Variants in ADAMTS2 observed in about 807,000 individuals in gnomAD.
ADAMTS2 encodes the protein ADAM metallopeptidase with thrombospondin type 1 motif 2.
Under a neutral mutation model 123.0 loss-of-function variants are expected in ADAMTS2, and 50 were observed. The ratio of observed to expected loss-of-function variants is 0.41; its 90% CI spans 0.32 to 0.51. The LOEUF (loss-of-function observed/expected upper bound fraction) is 0.51. Among genes scored for constraint, ADAMTS2 ranks in the 20% least tolerant of loss-of-function variants. The pLI is 0.35. For missense variants in ADAMTS2, 1,494 were observed against 1,705.2 expected (o/e 0.88, Z 2.18); for synonymous variants, 678 against 695.4 (o/e 0.98, Z 0.39).
At chr5:179,222,373 C>A (rs1455318355) in intron 3 of ADAMTS2, among the ~76,000 whole-genome samples, 1 of 152,210 alleles carries the variant, frequency 6.6e-6, no homozygotes, top group Non-Finnish European at 1.5e-5. Context: ...CCCAAGGCAG[C>A]CTCACAGGGC....
In ADAMTS2 at chr5:179,161,347, G is replaced by A. The variant is rs149634877; in HGVS notation, c.976-2468C>T. 5.8e-4 allele frequency among the ~76,000 whole-genome samples: 88 copies of A among 152,314 alleles called. 1 individual carries two copies. Among genetic ancestry groups the A allele is most frequent in the African/African-American group, 1.8e-3 (76 of 41,566 alleles). On this transcript the variant is annotated intron_variant, in intron 5 of 21. Transcript: ENST00000251582. ...GGTGGATGTGATTCGGTGCTAGAGCGTGGGCCTTGTGGTTGGTTGTACTCG... is the reference window on the plus strand; with the variant it reads ...GGTGGATGTGATTCGGTGCTAGAGCATGGGCCTTGTGGTTGGTTGTACTCG...
intron 5 of ADAMTS2, among the ~76,000 whole-genome samples, chr5:179,176,439 T>C (rs2113302224): frequency 6.6e-6 from 1 of 152,306 alleles, no homozygotes; most frequent in Non-Finnish European, 1.5e-5. Context: ...CAGGTACCTC[T>C]AACTGCACAT....
rs1411684255 is a variant in ADAMTS2, at chr5:179,207,662, C to G, written c.742G>C (p.Glu248Gln). 6.2e-7 allele frequency: 1 copy of G among 1,613,618 alleles called. No individual in the cohort carries two copies. The highest frequency in any genetic ancestry group is 1.1e-5 in the South Asian group (1 of 91,088). Residue 248 changes from glutamate to glutamine, a missense_variant, in exon 4 of 22, where the codon GAG becomes CAG. Physicochemically the swap from Glu to Gln is conservative, Grantham distance 29. This residue lies in a region of ADAMTS2 where 184 missense variants were observed against 152.1 expected (regional missense o/e 1.21). Transcript: ENST00000251582. ...CTCCGCCTCGAGCTGTTGGCGTGCT[C>G]CTCTAGGACGCCCAGGGCGCGGCTG... is the stretch of plus-strand genomic sequence containing the variant. ...SLSRALGVLE[E>Q]HANSSRRRAR...
rs572201946 is a variant in ADAMTS2, at chr5:179,334,630, G to A, written c.534+9137C>T. On this transcript the variant is annotated intron_variant, in intron 2 of 21. Transcript: ENST00000251582. ...TAACATCGCTCTGAAGGTTCCAGAC[G>A]GTGCAGATTGGAGATGAGGATCCAA... 7.2e-5 allele frequency among the ~76,000 whole-genome samples: 11 copies of A among 152,270 alleles called. No homozygotes were observed. In the South Asian group the frequency reaches 1.7e-3, roughly 23 times the overall value.
chr5:179,294,623 T>C (rs1407923245), intron 2 of ADAMTS2, among the ~76,000 whole-genome samples: 3 of 152,168 alleles, frequency 2.0e-5, no homozygotes, highest in Non-Finnish European at 4.4e-5. Context: ...CCCCAAGCCC[T>C]GCCCCCGCCC....
In ADAMTS2 at chr5:179,214,157, A is replaced by G. The variant is rs1561809368; in HGVS notation, c.689-6442T>C. ...TGCCCACAGTCACCATTACTGAGAC[A>G]CATTAGGACACAACTCAAAAATCGT... On this transcript the variant is annotated intron_variant, in intron 3 of 21. Transcript: ENST00000251582. 2.8e-5 allele frequency among the ~76,000 whole-genome samples: 3 copies of G among 108,362 alleles called. No homozygotes were observed. The East Asian group carries it at 6.6e-4, about 24-fold the overall frequency. The allele number at this position is 108,362 out of a possible 152,430, so 71.1% of individuals were successfully genotyped here. A position where few individuals can be genotyped will look rare whatever the true frequency, so the allele number is the denominator to read the frequency against.
chr5:179,190,283 G>T lies in ADAMTS2; in HGVS notation c.892-9128C>A, dbSNP rs145934178. On this transcript the variant is annotated intron_variant, in intron 4 of 21. Coordinates refer to ENST00000251582, the MANE Select transcript of ADAMTS2 (RefSeq NM_014244.5). ...AGGGCTGCTTCGAGCAGGATTAGGG[G>T]CAGCATGGAAACCTAGAGTGGGAGA... Among the ~76,000 whole-genome samples the T allele has an allele frequency of 3.2e-3, 485 of 152,282 alleles. 4 individuals are homozygous for T. Among genetic ancestry groups the T allele is most frequent in the African/African-American group, 0.011 (456 of 41,540 alleles).
intron 3 of ADAMTS2, among the ~76,000 whole-genome samples, chr5:179,261,558 CCTG>C (rs1766225808): frequency 6.6e-6 from 1 of 152,204 alleles, no homozygotes; most frequent in Non-Finnish European, 1.5e-5. Context: ...AGGAACAGAA[CCTG>C]AGGTCAGCTC....
intron 2 of ADAMTS2, among the ~76,000 whole-genome samples, chr5:179,281,058 A>C (rs953534211): frequency 2.0e-5 from 3 of 152,146 alleles, no homozygotes; most frequent in African/African-American, 7.2e-5. Flanking sequence ...GGGTTTCACC[A>C]TGTTGGCCAG....
chr5:179,116,299 G>A (rs1434488923), intron 21 of ADAMTS2, among the ~76,000 whole-genome samples: 2 of 88,908 alleles, frequency 2.2e-5, no homozygotes, highest in Non-Finnish European at 4.3e-5. Flanking sequence ...TCCCTGACCT[G>A]TCCCTTTCCC....
At chr5:179,335,647 A>T (rs952590684) in intron 2 of ADAMTS2, among the ~76,000 whole-genome samples, 7 of 152,246 alleles carry the variant, frequency 4.6e-5, no homozygotes, top group Non-Finnish European at 8.8e-5. Context: ...TAAAATAGAC[A>T]GATGTAAATA....
At chr5:179,324,935 C>T (rs1019286880) in intron 2 of ADAMTS2, among the ~76,000 whole-genome samples, 3 of 149,350 alleles carry the variant, frequency 2.0e-5, no homozygotes, top group African/African-American at 5.0e-5. Flanking sequence ...GGGACCCCCC[C>T]ACTGTCTGCT....
chr5:179,221,159 T>G (rs1295841326), intron 3 of ADAMTS2, among the ~76,000 whole-genome samples: 2 of 152,154 alleles, frequency 1.3e-5, no homozygotes, highest in African/African-American at 2.4e-5. Context: ...GTTCCTCAGA[T>G]GCCCAGGCAC....
intron 2 of ADAMTS2, among the ~76,000 whole-genome samples, chr5:179,296,923 T>C (rs1581253989): frequency 6.6e-6 from 1 of 152,148 alleles, no homozygotes; most frequent in African/African-American, 2.4e-5. Context: ...CTGTAACACA[T>C]GCCTGAAACA....
chr5:179,298,728 A>T (rs1277322492), intron 2 of ADAMTS2, among the ~76,000 whole-genome samples: 1 of 152,114 alleles, frequency 6.6e-6, no homozygotes, highest in Non-Finnish European at 1.5e-5. Context: ...GGAAACTGAG[A>T]TCTGCGCTGG....
At chr5:179,146,615 T>C (rs921892553) in intron 10 of ADAMTS2, among the ~76,000 whole-genome samples, 3 of 152,268 alleles carry the variant, frequency 2.0e-5, no homozygotes, top group Non-Finnish European at 2.9e-5. Context: ...TCTTCGTTAA[T>C]GAGACTGTCA....
At position 179,345,262 on chromosome 5, in the gene ADAMTS2, GCAGCA is replaced by G; in HGVS notation, c.62_66del (p.Leu21ProfsTer43). The G allele has an allele frequency of 8.7e-7, 1 of 1,145,422 alleles. No individual in the cohort carries two copies. 71.0% of individuals were successfully genotyped at this position (1,145,422 alleles called of 1,614,324 possible). A position where few individuals can be genotyped will look rare whatever the true frequency, so the allele number is the denominator to read the frequency against. ...GGCGGCGGCAGGAGCGGCGGCGGCA[GCAGCA>G]GCAGCAGCAGCAGCAGCGCGGGGCA... On this transcript the variant is annotated frameshift_variant, in exon 1 of 22. Coordinates refer to ENST00000251582, the MANE Select transcript of ADAMTS2 (RefSeq NM_014244.5). LOFTEE classifies it high-confidence loss of function. The surrounding 1 kb of genome is among the most constrained non-coding windows in gnomAD (Gnocchi z 7.5).
At chr5:179,304,850 C>T (rs775228065) in intron 2 of ADAMTS2, among the ~76,000 whole-genome samples, 1 of 152,034 alleles carries the variant, frequency 6.6e-6, no homozygotes, top group Non-Finnish European at 1.5e-5. Flanking sequence ...TTCAACAGAT[C>T]GGCAAACCTC....
chr5:179,133,139 C>T (rs1581143553), intron 13 of ADAMTS2, among the ~76,000 whole-genome samples: 1 of 152,142 alleles, frequency 6.6e-6, no homozygotes, highest in East Asian at 1.9e-4. Flanking sequence ...AGCAGTGTCT[C>T]GACCTGGCAG....
Sources: gnomAD v4.1 joint callset for allele counts (sites outside exome capture counted in the v4.1 genomes callset) on GRCh38, gnomAD v4.1.1 for gene constraint, gnomAD v4.1.1 regional missense constraint, Gnocchi (gnomAD v3.1) non-coding constraint, MANE v1.5 for transcripts, NCBI Gene and HGNC (gene_info 2026-07-23, HGNC 2026-07-21) for gene names.